SCN3A: variants seen among roughly 807,000 people sequenced by gnomAD.
SCN3A encodes sodium voltage-gated channel alpha subunit 3.
In SCN3A, 60 loss-of-function variants were observed where a neutral mutation model predicts 187.6. That is an observed-to-expected ratio of 0.32 (90% CI 0.26 to 0.40). The LOEUF (loss-of-function observed/expected upper bound fraction) is 0.40, where lower values mean the gene tolerates loss of function less well. SCN3A is among the 10% of genes least tolerant of loss of function. The probability of loss-of-function intolerance (pLI) is 1.00; values close to 1 mark genes in which losing one functional copy is unlikely to be tolerated. For missense variants in SCN3A, 1,601 were observed against 2,428.2 expected, an observed-to-expected ratio of 0.66 and a Z score of 7.16; for synonymous variants, 788 against 829.2, an observed-to-expected ratio of 0.95 and a Z score of 0.85.
At chr2:165,118,149 C>T (rs1413680495) in intron 18 of SCN3A, among the ~76,000 whole-genome samples, 1 of 152,136 alleles carries the variant, frequency 6.6e-6, no homozygotes, top group Non-Finnish European at 1.5e-5. Flanking sequence ...CATAAATAAT[C>T]TCTAATAGCT....
At chr2:165,116,660 A>G (rs1335082460) in intron 18 of SCN3A, among the ~76,000 whole-genome samples, 1 of 152,118 alleles carries the variant, frequency 6.6e-6, no homozygotes, top group Non-Finnish European at 1.5e-5. Flanking sequence ...TGTTGGGGAA[A>G]TTTGGCTCAA....
chr2:165,120,653 C>T (rs1247624928), intron 18 of SCN3A, among the ~76,000 whole-genome samples: 3 of 152,016 alleles, frequency 2.0e-5, no homozygotes, highest in Non-Finnish European at 2.9e-5. Flanking sequence ...AAGTTTTGGT[C>T]ATACACACTA....
chr2:165,153,174 A>G (rs1171297559), intron 11 of SCN3A, among the ~76,000 whole-genome samples: 1 of 152,136 alleles, frequency 6.6e-6, no homozygotes, highest in African/African-American at 2.4e-5. Flanking sequence ...TAATTGACAA[A>G]AGTTCAAAGG....
chr2:165,091,756 A>G lies in SCN3A; in HGVS notation c.4808-411T>C, dbSNP rs74644301. 1,133 of 266,396 alleles carry G rather than the reference A, an allele frequency of 4.3e-3. 15 individuals carry two copies. Among genetic ancestry groups the G allele is most frequent in the African/African-American group, 0.024 (1,070 of 43,830 alleles). The allele number at this position is 266,396 out of a possible 1,614,324, so 16.5% of individuals were successfully genotyped here. On this transcript the variant is annotated intron_variant, in intron 27 of 27. Transcript: ENST00000283254. ...CATATTTGACATGAGGTTAAAGTTGAAGTTTCTAAATTTGGGGTTCTATAA... is the reference window on the plus strand; with the variant it reads ...CATATTTGACATGAGGTTAAAGTTGGAGTTTCTAAATTTGGGGTTCTATAA...
chr2:165,115,622 TTAAC>T (rs1171256204), intron 18 of SCN3A, 47 bp from the exon 19 acceptor site: 2 of 1,592,060 alleles, frequency 1.3e-6, no homozygotes, highest in South Asian at 2.2e-5. Flanking sequence ...CCCCTTTTAT[TTAAC>T]TAACTGGGAA....
chr2:165,127,974 T>A lies in SCN3A; in HGVS notation c.3050A>T (p.Tyr1017Phe). 1 of 1,614,134 alleles carries A rather than the reference T, an allele frequency of 6.2e-7. No individual in the cohort carries two copies. Among genetic ancestry groups the A allele is most frequent in the South Asian group, 1.1e-5 (1 of 91,082 alleles). ...ACACTCCCGCATCTTATTTTTCACA[T>A]AATCAATTCCCTTTTGCATTCTTCC... Reference protein sequence around the residue: ...AVGRMQKGIDYVKNKMRECFQ... With the variant: ...AVGRMQKGIDFVKNKMRECFQ... Residue 1017 changes from tyrosine to phenylalanine, a missense_variant, in exon 18 of 28, where the codon TAT becomes TTT. Coordinates refer to ENST00000283254, the MANE Select transcript of SCN3A (RefSeq NM_006922.4).
At chr2:165,196,387 CTGTTA>C (rs963748653) in intron 1 of SCN3A, among the ~76,000 whole-genome samples, 6 of 152,070 alleles carry the variant, frequency 3.9e-5, no homozygotes, top group African/African-American at 1.4e-4. Context: ...CAGATATTTT[CTGTTA>C]TGATAATCAT....
At chr2:165,182,211 C>A (rs1223550204) in intron 2 of SCN3A, among the ~76,000 whole-genome samples, 3 of 152,168 alleles carry the variant, frequency 2.0e-5, no homozygotes, top group Non-Finnish European at 4.4e-5. Flanking sequence ...ACTTCGAGAA[C>A]AACTGCCCTA....
chr2:165,140,362 G>A lies in SCN3A; in HGVS notation c.2019+289C>T, dbSNP rs977097691. Among the ~76,000 whole-genome samples the A allele has an allele frequency of 6.6e-6, 1 of 151,756 alleles. No homozygotes were observed. The highest frequency in any genetic ancestry group is 2.4e-5 in the African/African-American group (1 of 41,294). On this transcript the variant is annotated intron_variant, in intron 13 of 27. Transcript: ENST00000283254. This position sits in a 1 kb window ranked among gnomAD's most constrained non-coding sequence, Gnocchi z 4.2. ...AAAATGTCCATTATTTGTCTCGGTAGGTCTACCAAATTTGCAGATATGTAT... is the reference window on the plus strand; with the variant it reads ...AAAATGTCCATTATTTGTCTCGGTAAGTCTACCAAATTTGCAGATATGTAT...
intron 15 of SCN3A, among the ~76,000 whole-genome samples, chr2:165,133,133 C>G (rs1477481110): frequency 6.6e-6 from 1 of 152,116 alleles, no homozygotes; most frequent in African/African-American, 2.4e-5. Context: ...TAGGAAACAA[C>G]AGGTGCTGGA....
chr2:165,139,812 A>G (rs543790646), intron 13 of SCN3A: 3 of 592,732 alleles, frequency 5.1e-6, no homozygotes, highest in Non-Finnish European at 8.9e-6. Flanking sequence ...AGAGGAATTC[A>G]CCAGTGGGAT....
chr2:165,140,854 T>C lies in SCN3A; in HGVS notation c.1816A>G (p.Ser606Gly), dbSNP rs1444835807. 1 of 1,614,038 alleles carries C rather than the reference T, an allele frequency of 6.2e-7. No homozygotes were observed. Among genetic ancestry groups the C allele is most frequent in the East Asian group, 2.2e-5 (1 of 44,880 alleles). ...GGCACAAACAGTGAGTCTCTCCTGC[T>C]TTCGCTGTCTTCAAATGTGCTGTGT... ...DEHSTFEDSE[S>G]RRDSLFVPHR... Residue 606 changes from serine to glycine, a missense_variant, in exon 13 of 28, where the codon AGC becomes GGC. This residue lies in a region of SCN3A where 376 missense variants were observed against 476.0 expected (regional missense o/e 0.79). Transcript: ENST00000283254. The surrounding 1 kb of genome is among the most constrained non-coding windows in gnomAD (Gnocchi z 4.2).
intron 12 of SCN3A, among the ~76,000 whole-genome samples, chr2:165,144,346 C>T (rs1431458118): frequency 2.0e-5 from 3 of 151,102 alleles, no homozygotes; most frequent in African/African-American, 7.4e-5. Flanking sequence ...CATCTATCTT[C>T]TGTCTATTTA....
At chr2:165,166,907 T>A (rs1176520356) in intron 5 of SCN3A, among the ~76,000 whole-genome samples, 1 of 151,704 alleles carries the variant, frequency 6.6e-6, no homozygotes, top group Non-Finnish European at 1.5e-5. Flanking sequence ...ATTGCCTTTT[T>A]TTTTTGTTTT....
Position 165,090,452 on chromosome 2 carries a change from C to T in SCN3A, c.5701G>A (p.Glu1901Lys). 1 of 1,614,002 alleles carries T rather than the reference C, an allele frequency of 6.2e-7. No homozygotes were observed. Among genetic ancestry groups the T allele is most frequent in the Non-Finnish European group, 8.5e-7 (1 of 1,179,958 alleles). The change falls in exon 28 of 28, where the codon GAG (glutamate) becomes AAG (lysine). Residue 1901 changes from glutamate to lysine, a missense_variant. Glu to Lys is a moderately conservative substitution (Grantham distance 56). Around this residue, in one of 11 missense-constraint regions of SCN3A, gnomAD observed 110 missense variants for 175.9 expected, o/e 0.63. Transcript: ENST00000283254. This position sits in a 1 kb window ranked among gnomAD's most constrained non-coding sequence, Gnocchi z 4.0. ...ITTTLKRKQE[E>K]VSAAIIQRNF... Reference sequence around the variant, plus strand: ...CGCTGAATGATAGCGGCAGACACCTCCTCTTGTTTACGTTTCAAAGTGGTT... The same window carrying T: ...CGCTGAATGATAGCGGCAGACACCTTCTCTTGTTTACGTTTCAAAGTGGTT...
intron 4 of SCN3A, 81 bp from the exon 5 acceptor site, chr2:165,168,906 C>T: frequency 6.5e-6 from 6 of 929,074 alleles, no homozygotes; most frequent in South Asian, 1.4e-5. Context: ...AAAAGTTTAT[C>T]GATGCAAAAA....
intron 19 of SCN3A, among the ~76,000 whole-genome samples, chr2:165,114,911 G>C (rs942011532): frequency 1.3e-5 from 2 of 152,112 alleles, no homozygotes; most frequent in African/African-American, 4.8e-5. Context: ...AGACCTATCA[G>C]ATCATTTTAA....
chr2:165,188,208 C>T (rs1367277974), intron 1 of SCN3A, among the ~76,000 whole-genome samples: 3 of 152,078 alleles, frequency 2.0e-5, no homozygotes, highest in Non-Finnish European at 2.9e-5. Flanking sequence ...TTTCTTTTTC[C>T]TACCCTTATG....
intron 10 of SCN3A, 95 bp from the exon 11 acceptor site, chr2:165,154,753 A>C: frequency 8.2e-7 from 1 of 1,216,912 alleles, no homozygotes; most frequent in Non-Finnish European, 1.2e-6. Flanking sequence ...TAGACTAATT[A>C]GCTTTTTAGT....
Sources: gnomAD v4.1 joint callset for allele counts (sites outside exome capture counted in the v4.1 genomes callset) on GRCh38, gnomAD v4.1.1 for gene constraint, gnomAD v4.1.1 regional missense constraint, Gnocchi (gnomAD v3.1) non-coding constraint, MANE v1.5 for transcripts, NCBI Gene and HGNC (gene_info 2026-07-23, HGNC 2026-07-21) for gene names.